ZNF652: variants seen among roughly 807,000 people sequenced by gnomAD.
ZNF652 encodes zinc finger protein 652.
A neutral mutation model predicts 45.2 loss-of-function variants in ZNF652; 16 were observed. The ratio of observed to expected loss-of-function variants is 0.35; its 90% CI spans 0.24 to 0.54. The LOEUF is 0.54. Among genes scored for constraint, ZNF652 ranks in the 20% least tolerant of loss-of-function variants. The pLI, the probability that ZNF652 is intolerant of heterozygous loss-of-function variation, is 0.91. For synonymous variants in ZNF652, 250 were observed against 260.6 expected (o/e 0.96, Z 0.39); for missense variants, 614 against 765.6 (o/e 0.80, Z 2.34).
intron 2 of ZNF652, among the ~76,000 whole-genome samples, chr17:49,313,897 G>A (rs1311290226): frequency 1.9e-4 from 25 of 132,064 alleles, no homozygotes; most frequent in African/African-American, 6.3e-4. Flanking sequence ...CTCTTGAACC[G>A]GGAGGTGGAG....
Position 49,300,955 on chromosome 17 carries a change from T to C in ZNF652, c.1310-2031A>G, listed in dbSNP as rs181344234. On this transcript the variant is annotated intron_variant, in intron 5 of 5. Coordinates refer to ENST00000430262, the MANE Select transcript of ZNF652 (RefSeq NM_001145365.3). ...GGATTTAAAATCTGCAGCCTGGTTC[T>C]AGAGTTTATGTTTTTGACATATAAA... Among the ~76,000 whole-genome samples the C allele has an allele frequency of 1.8e-3, 269 of 152,370 alleles. 2 individuals are homozygous for C. The highest frequency in any genetic ancestry group is 9.8e-3 in the East Asian group (51 of 5,190).
intron 1 of ZNF652, among the ~76,000 whole-genome samples, chr17:49,340,226 C>T (rs2070130045): frequency 6.6e-6 from 1 of 152,052 alleles, no homozygotes; most frequent in Admixed American, 6.6e-5. Context: ...ACCAGCTTGG[C>T]CGACATGGCA....
At chr17:49,347,048 C>T (rs1389977804) in intron 1 of ZNF652, among the ~76,000 whole-genome samples, 1 of 152,170 alleles carries the variant, frequency 6.6e-6, no homozygotes, top group Non-Finnish European at 1.5e-5. Flanking sequence ...AACTGAGTAT[C>T]AAAGGATTAA....
Position 49,295,937 on chromosome 17 carries a change from C to CAAAAAAAAAACAAAAAAA in ZNF652, c.*2475_*2476insTTTTTTTGTTTTTTTTTT, listed in dbSNP as rs2069468039. 1.8e-4 allele frequency: 9 copies of CAAAAAAAAAACAAAAAAA among 51,224 alleles called. No individual in the cohort carries two copies. Among genetic ancestry groups the CAAAAAAAAAACAAAAAAA allele is most frequent in the African/African-American group, 6.6e-4 (9 of 13,606 alleles). The allele number at this position is 51,224 out of a possible 1,614,324, so 3.2% of individuals were successfully genotyped here. A position where few individuals can be genotyped will look rare whatever the true frequency, so the allele number is the denominator to read the frequency against. ...CAGGCAACAGAACAAGACTCTGCCT[C>CAAAAAAAAAACAAAAAAA]AAAAAAAAAAAAAAAAAAAAAAAAA... On this transcript the variant is annotated 3_prime_UTR_variant, in exon 6 of 6. Transcript: ENST00000430262.
rs1010964668 is a variant in ZNF652 at position 49,293,676 on chromosome 17, A to C, written c.*4737T>G. Among the ~76,000 whole-genome samples, 294 of 147,330 alleles carry C rather than the reference A, an allele frequency of 2.0e-3. 2 individuals carry two copies. Among genetic ancestry groups the C allele is most frequent in the African/African-American group, 7.1e-3 (276 of 38,700 alleles). On this transcript the variant is annotated 3_prime_UTR_variant, in exon 6 of 6. Transcript: ENST00000430262. ...TTCCTAAAAAAAAAAAAAAAAAAAA[A>C]AAAAAAAAACTCTTAAGTAATTTCC...
At chr17:49,352,450 G>C (rs2070292556) in intron 1 of ZNF652, among the ~76,000 whole-genome samples, 2 of 152,162 alleles carry the variant, frequency 1.3e-5, no homozygotes, top group African/African-American at 2.4e-5. Context: ...CTAGTACCCA[G>C]ATTCTTCTCA....
intron 1 of ZNF652, among the ~76,000 whole-genome samples, chr17:49,360,194 A>G (rs995386887): frequency 6.6e-6 from 1 of 152,270 alleles, no homozygotes; most frequent in Non-Finnish European, 1.5e-5. Flanking sequence ...ACACAAGGTT[A>G]CATGCATAAG....
chr17:49,335,047 G>A (rs1403638009), intron 1 of ZNF652, among the ~76,000 whole-genome samples: 1 of 152,110 alleles, frequency 6.6e-6, no homozygotes, highest in African/African-American at 2.4e-5. Flanking sequence ...AGACATAGGT[G>A]ATGGTTGCAC....
At position 49,294,831 on chromosome 17, in the gene ZNF652, T is replaced by C. The variant is rs1206929030; in HGVS notation, c.*3582A>G. ...CAGCCTTTGTTGTCTTTAACAGACA[T>C]GTACAGATAAGGGCTGAGAACTCAA... On this transcript the variant is annotated 3_prime_UTR_variant, in exon 6 of 6. Transcript: ENST00000430262. 1 of 152,214 alleles carries C rather than the reference T, an allele frequency of 6.6e-6. No individual in the cohort carries two copies. The highest frequency in any genetic ancestry group is 2.4e-5 in the African/African-American group (1 of 41,452). 9.4% of individuals were successfully genotyped at this position (152,214 alleles called of 1,614,324 possible).
At position 49,298,791 on chromosome 17, in the gene ZNF652, C is replaced by A. The variant is rs146233387; in HGVS notation, c.1443G>T (p.Ser481=). 583 of 1,613,972 alleles carry A rather than the reference C, an allele frequency of 3.6e-4. 2 individuals are homozygous for A. Among genetic ancestry groups the A allele is most frequent in the African/African-American group, 2.2e-3 (167 of 74,978 alleles). Reference sequence around the variant, plus strand: ...TCTCCTTGTGGGCCTTAAGCATGTTCGAGAAGCGGAACCGCTGGCCACACA... The same window carrying A: ...TCTCCTTGTGGGCCTTAAGCATGTTAGAGAAGCGGAACCGCTGGCCACACA... ...CDVCGQRFRF[S]NMLKAHKEKC... The change falls in exon 6 of 6, where the codon TCG becomes TCT. Residue 481 remains serine, a synonymous_variant. Coordinates refer to ENST00000430262, the MANE Select transcript of ZNF652 (RefSeq NM_001145365.3).
chr17:49,351,014 T>TACACACACAC (rs370792940), intron 1 of ZNF652, among the ~76,000 whole-genome samples: 4 of 29,718 alleles, frequency 1.3e-4, no homozygotes, highest in Non-Finnish European at 3.0e-4. Context: ...TATATATATA[T>TACACACACAC]ACACACACAC....
At chr17:49,299,057 C>A in intron 5 of ZNF652, 133 bp from the exon 6 acceptor site, 1 of 985,556 alleles carries the variant, frequency 1.0e-6, no homozygotes, top group Non-Finnish European at 1.4e-6. Flanking sequence ...CTCAAGTGAT[C>A]CTCCCATCTT....
chr17:49,312,294 T>G (rs1417381364), intron 3 of ZNF652, among the ~76,000 whole-genome samples: 1 of 150,662 alleles, frequency 6.6e-6, no homozygotes, highest in African/African-American at 2.4e-5. Flanking sequence ...GCCTCCCGAG[T>G]AGTTGGGATT....
chr17:49,335,189 G>GTTA (rs1404477555), intron 1 of ZNF652, among the ~76,000 whole-genome samples: 5 of 152,144 alleles, frequency 3.3e-5, no homozygotes, highest in African/African-American at 1.2e-4. Flanking sequence ...GTGATCTGAA[G>GTTA]TAATAAGATC....
chr17:49,318,510 C>T (rs886690995), intron 1 of ZNF652, among the ~76,000 whole-genome samples: 4 of 152,226 alleles, frequency 2.6e-5, no homozygotes, highest in Non-Finnish European at 4.4e-5. Flanking sequence ...GCAAAAGCCA[C>T]ATCTGTCCAG....
intron 1 of ZNF652, among the ~76,000 whole-genome samples, chr17:49,351,015 ACACACACACACAC>A (rs1567700299): frequency 0.1 from 2,400 of 23,706 alleles, 80 homozygotes; most frequent in Non-Finnish European, 0.13. Context: ...ATATATATAT[ACACACACACACAC>A]ACACACACAC....
At chr17:49,344,074 G>A (rs1260438608) in intron 1 of ZNF652, among the ~76,000 whole-genome samples, 12 of 152,002 alleles carry the variant, frequency 7.9e-5, no homozygotes, top group South Asian at 2.1e-4. Context: ...GGTGGCGGGC[G>A]CCTGTAGTCC....
At chr17:49,357,405 T>C (rs1264601998) in intron 1 of ZNF652, among the ~76,000 whole-genome samples, 1 of 152,054 alleles carries the variant, frequency 6.6e-6, no homozygotes, top group Non-Finnish European at 1.5e-5. Flanking sequence ...GCAGAGTTCA[T>C]AAAATCTGAC....
At chr17:49,315,011 T>G (rs1012423078) in intron 2 of ZNF652, among the ~76,000 whole-genome samples, 1 of 151,312 alleles carries the variant, frequency 6.6e-6, no homozygotes, top group Non-Finnish European at 1.5e-5. Context: ...TGTGAGCCAC[T>G]GCACCCGGCC....
Sources: allele counts gnomAD v4.1 joint callset (sites outside exome capture counted in the v4.1 genomes callset), GRCh38; gene constraint gnomAD v4.1.1; transcripts MANE v1.5; gene names NCBI Gene and HGNC (gene_info 2026-07-23, HGNC 2026-07-21).